HDGFL2: variants seen among roughly 807,000 people sequenced by gnomAD.
HDGFL2 encodes the protein HDGF like 2, also known as hepatoma-derived growth factor-related protein 2.
Under a neutral mutation model 77.1 loss-of-function variants are expected in HDGFL2, and 36 were observed. The ratio of observed to expected loss-of-function variants is 0.47; its 90% CI spans 0.36 to 0.62. The LOEUF (loss-of-function observed/expected upper bound fraction) is 0.62, where lower values mean the gene tolerates loss of function less well. Ranked by LOEUF, HDGFL2 falls within the 20% of genes least tolerant of loss-of-function variation. HDGFL2 has a pLI of 0.00. For synonymous variants in HDGFL2, 463 were observed against 413.1 expected, an observed-to-expected ratio of 1.12 and a Z score of -1.46; for missense variants, 976 against 973.4, an observed-to-expected ratio of 1.00 and a Z score of -0.04.
intron 4 of HDGFL2, among the ~76,000 whole-genome samples, chr19:4,490,035 G>A (rs907989933): frequency 3.9e-5 from 6 of 152,150 alleles, no homozygotes; most frequent in East Asian, 1.9e-4. Flanking sequence ...TTCACCAAGC[G>A]TGACGTCCTC....
Position 4,501,264 on chromosome 19 carries a change from G to A in HDGFL2, c.1863G>A (p.Glu621=), listed in dbSNP as rs546797934. ...GESAEDKEHE[E]GRDSEEGPRC... ...GCGCAGAGGACAAGGAGCACGAGGA[G>A]GGTCGGGACTCGGAGGAGGGGCCAA... is the stretch of plus-strand genomic sequence containing the variant. Residue 621 remains glutamate, a synonymous_variant, in exon 15 of 16, where the codon GAG becomes GAA. Coordinates refer to ENST00000616600, the MANE Select transcript of HDGFL2 (RefSeq NM_001001520.3). 1.2e-5 allele frequency: 20 copies of A among 1,613,452 alleles called. No homozygotes were observed. In the African/African-American group the frequency reaches 2.7e-4, roughly 21 times the overall value.
chr19:4,478,511 C>T (rs1248653799), intron 3 of HDGFL2, among the ~76,000 whole-genome samples: 1 of 151,710 alleles, frequency 6.6e-6, no homozygotes, highest in African/African-American at 2.4e-5. Flanking sequence ...CAGGCTCATT[C>T]TTTTAACAGC....
In HDGFL2 at chr19:4,472,337, C is replaced by A; in HGVS notation, c.-14C>A. ...TGCAGCCGCTTTCCGCGGCCTGGGC[C>A]TCTCGCCGTCAGCATGCCACACGCC... On this transcript the variant is annotated 5_prime_UTR_variant, in exon 1 of 16. Coordinates refer to ENST00000616600, the MANE Select transcript of HDGFL2 (RefSeq NM_001001520.3). 6.6e-7 allele frequency: 1 copy of A among 1,514,630 alleles called. No individual in the cohort carries two copies. The highest frequency in any genetic ancestry group is 2.7e-5 in the East Asian group (1 of 36,480). The allele number at this position is 1,514,630 out of a possible 1,614,324, so 93.8% of individuals were successfully genotyped here. A position where few individuals can be genotyped will look rare whatever the true frequency, so the allele number is the denominator to read the frequency against.
chr19:4,496,806 C>T (rs868562530), intron 10 of HDGFL2: 4 of 374,116 alleles, frequency 1.1e-5, no homozygotes, highest in Admixed American at 3.5e-5. Context: ...AACTGCACCC[C>T]GGCCTAGGGG....
chr19:4,500,112 G>C (rs1008647289), intron 14 of HDGFL2, among the ~76,000 whole-genome samples: 1 of 152,202 alleles, frequency 6.6e-6, no homozygotes, highest in Non-Finnish European at 1.5e-5. Context: ...GCCCTTGCTT[G>C]CCTGGTGGGC....
intron 10 of HDGFL2, chr19:4,497,560 G>A: frequency 9.8e-6 from 3 of 304,674 alleles, no homozygotes; most frequent in South Asian, 9.5e-5. Context: ...CGGCAGGCCG[G>A]TATGGCAGTG....
chr19:4,487,447 G>A (rs1264455022), intron 3 of HDGFL2, among the ~76,000 whole-genome samples: 1 of 151,920 alleles, frequency 6.6e-6, no homozygotes, highest in Non-Finnish European at 1.5e-5. Flanking sequence ...TGTAGAGAGG[G>A]GGTTTCGCCA....
chr19:4,488,328 C>G (rs897481437), intron 3 of HDGFL2, among the ~76,000 whole-genome samples: 1 of 152,188 alleles, frequency 6.6e-6, no homozygotes, highest in Non-Finnish European at 1.5e-5. Flanking sequence ...GGTGCTCCAC[C>G]TCCCACTTCC....
intron 9 of HDGFL2, among the ~76,000 whole-genome samples, chr19:4,495,281 A>C (rs1285814997): frequency 1.4e-5 from 2 of 146,178 alleles, no homozygotes; most frequent in Non-Finnish European, 3.0e-5. Context: ...CCAGCTACTC[A>C]GGAGGCTGAG....
intron 3 of HDGFL2, among the ~76,000 whole-genome samples, chr19:4,480,735 C>T (rs1244114094): frequency 2.0e-5 from 3 of 152,150 alleles, no homozygotes; most frequent in Admixed American, 6.5e-5. Flanking sequence ...AAAGTGGGAG[C>T]TGGGGCCAAG....
At chr19:4,499,786 G>T in intron 14 of HDGFL2, 82 bp downstream of exon 14, 2 of 1,130,498 alleles carry the variant, frequency 1.8e-6, no homozygotes, top group Non-Finnish European at 2.5e-6. Flanking sequence ...TCCAGAAGGG[G>T]AGTACAGCTC....
At chr19:4,487,282 G>T (rs1975387357) in intron 3 of HDGFL2, among the ~76,000 whole-genome samples, 1 of 147,604 alleles carries the variant, frequency 6.8e-6, no homozygotes, top group African/African-American at 2.5e-5. Flanking sequence ...TTACAAACGG[G>T]GTCTTGCTCT....
intron 6 of HDGFL2, among the ~76,000 whole-genome samples, chr19:4,492,909 GTCTGTGTGGTGTGTA>G (rs1975566615): frequency 8.2e-6 from 1 of 121,576 alleles, no homozygotes; most frequent in African/African-American, 3.4e-5. Context: ...TGTGTGTGGT[GTCTGTGTGGTGTGTA>G]TCTGTGTGTG....
intron 9 of HDGFL2, among the ~76,000 whole-genome samples, chr19:4,495,964 G>A (rs573178765): frequency 3.3e-5 from 5 of 152,264 alleles, no homozygotes; most frequent in East Asian, 1.9e-4. Context: ...GGGAAAGCAC[G>A]AACAGCGCCG....
intron 1 of HDGFL2, among the ~76,000 whole-genome samples, chr19:4,473,034 GC>G (rs1399859987): frequency 1.5e-4 from 22 of 150,662 alleles, no homozygotes; most frequent in African/African-American, 5.4e-4. Context: ...GGTATCCTGG[GC>G]CCGAGGGAGT....
chr19:4,476,646 G>A lies in HDGFL2; in HGVS notation c.288+1063G>A, dbSNP rs565970690. On this transcript the variant is annotated intron_variant, in intron 3 of 15. Coordinates refer to ENST00000616600, the MANE Select transcript of HDGFL2 (RefSeq NM_001001520.3). ...AAGTCTGTAGTGTGTAGATGTGAGC[G>A]TTCTCAGTCAGGTGGAAAAAAACAC... Among the ~76,000 whole-genome samples the A allele has an allele frequency of 1.3e-4, 19 of 148,450 alleles. No individual in the cohort carries two copies. The South Asian group carries it at 1.6e-3, about 12-fold the overall frequency.
At chr19:4,500,765 C>T (rs142372060) in intron 14 of HDGFL2, among the ~76,000 whole-genome samples, 36 of 152,182 alleles carry the variant, frequency 2.4e-4, no homozygotes, top group African/African-American at 8.4e-4. Context: ...CCTGCCAGGA[C>T]GTGCTAATTT....
Position 4,501,263 on chromosome 19 carries a change from A to C in HDGFL2, c.1862A>C (p.Glu621Ala), listed in dbSNP as rs1975871032. The C allele has an allele frequency of 6.2e-7, 1 of 1,613,424 alleles. No individual in the cohort carries two copies. The highest frequency in any genetic ancestry group is 2.2e-5 in the East Asian group (1 of 44,858). ...GESAEDKEHE[E>A]GRDSEEGPRC... is the part of the protein sequence containing the mutation. The stretch of plus-strand genomic sequence containing the variant: ...AGCGCAGAGGACAAGGAGCACGAGG[A>C]GGGTCGGGACTCGGAGGAGGGGCCA... Residue 621 changes from glutamate to alanine, a missense_variant, in exon 15 of 16, where the codon GAG (glutamate) becomes GCG (alanine). Around this residue, in one of 5 missense-constraint regions of HDGFL2, gnomAD observed 229 missense variants for 187.3 expected, o/e 1.22. Coordinates refer to ENST00000616600, the MANE Select transcript of HDGFL2 (RefSeq NM_001001520.3).
intron 1 of HDGFL2, among the ~76,000 whole-genome samples, chr19:4,474,107 C>T (rs1426499000): frequency 6.6e-6 from 1 of 152,080 alleles, no homozygotes; most frequent in Admixed American, 6.6e-5. Flanking sequence ...AGGCTATTGT[C>T]ATCCCCAGGT....
Sources: gnomAD v4.1 joint callset for allele counts (sites outside exome capture counted in the v4.1 genomes callset) on GRCh38, gnomAD v4.1.1 for gene constraint, gnomAD v4.1.1 regional missense constraint, MANE v1.5 for transcripts, NCBI Gene and HGNC (gene_info 2026-07-23, HGNC 2026-07-21) for gene names.